Variants in PPM1H observed in about 807,000 individuals in gnomAD.
PPM1H encodes the protein protein phosphatase, Mg2+/Mn2+ dependent 1H.
PPM1H carries 27 observed loss-of-function variants against 54.9 expected under a neutral mutation model. That is an observed-to-expected ratio of 0.49 (90% CI 0.36 to 0.68). The LOEUF is 0.68. Ranked by LOEUF, PPM1H falls within the 30% of genes least tolerant of loss-of-function variation. PPM1H has a pLI of 0.00. For missense variants in PPM1H, 596 were observed against 667.8 expected (o/e 0.89, Z 1.19); for synonymous variants, 305 against 270.8 (o/e 1.13, Z -1.24).
intron 6 of PPM1H, among the ~76,000 whole-genome samples, chr12:62,701,349 G>A (rs539290278): frequency 4.7e-4 from 71 of 152,274 alleles, no homozygotes; most frequent in African/African-American, 1.5e-3. Flanking sequence ...AATTTGAGAT[G>A]CCCATGCAGC....
intron 1 of PPM1H, among the ~76,000 whole-genome samples, chr12:62,869,642 A>G (rs1355505597): frequency 6.6e-6 from 1 of 152,174 alleles, no homozygotes; most frequent in Non-Finnish European, 1.5e-5. Context: ...GAGCATGACA[A>G]CATCCCATCT....
rs149243143 is a variant in PPM1H at position 62,734,406 on chromosome 12, C to T, written c.954+3096G>A. On this transcript the variant is annotated intron_variant, in intron 5 of 9. Transcript: ENST00000228705. ...TAGTACTTTCTGTCACAAAACAGTA[C>T]GGCATGTATTAGTCCTTACACAGAC... is the stretch of plus-strand genomic sequence containing the variant. Among the ~76,000 whole-genome samples the T allele has an allele frequency of 3.3e-4, 51 of 152,290 alleles. No homozygotes were observed. In the East Asian group the frequency reaches 4.6e-3, roughly 14 times the overall value.
chr12:62,866,236 G>C (rs2120987045), intron 1 of PPM1H, among the ~76,000 whole-genome samples: 1 of 152,254 alleles, frequency 6.6e-6, no homozygotes, highest in East Asian at 1.9e-4. Flanking sequence ...CCACTGGGAG[G>C]TAAAGAGCCT....
chr12:62,756,054 A>T, intron 4 of PPM1H: 1 of 1,283,764 alleles, frequency 7.8e-7, no homozygotes. Flanking sequence ...CCTGGGCTAC[A>T]CTGAGCACCA....
intron 8 of PPM1H, among the ~76,000 whole-genome samples, chr12:62,680,719 C>A (rs2076014951): frequency 6.6e-6 from 1 of 152,182 alleles, no homozygotes; most frequent in Non-Finnish European, 1.5e-5. Flanking sequence ...AAGGAAGAGC[C>A]ACCCAGCTGA....
chr12:62,712,077 C>T (rs533009372), intron 6 of PPM1H, among the ~76,000 whole-genome samples: 47 of 152,342 alleles, frequency 3.1e-4, no homozygotes, highest in African/African-American at 1.1e-3. Flanking sequence ...AATAACCATT[C>T]ATCATCTCAG....
At chr12:62,776,690 T>C (rs1266921674) in intron 4 of PPM1H, among the ~76,000 whole-genome samples, 1 of 152,222 alleles carries the variant, frequency 6.6e-6, no homozygotes, top group East Asian at 1.9e-4. Context: ...CTAGCACCTG[T>C]GATCATCCCA....
intron 1 of PPM1H, among the ~76,000 whole-genome samples, chr12:62,916,926 T>TC (rs386376749): frequency 9.9e-5 from 2 of 20,154 alleles, no homozygotes; most frequent in African/African-American, 3.7e-4. Flanking sequence ...TACCCTCTAC[T>TC]TAAAAAAAAA....
At chr12:62,716,326 C>A (rs114481924) in intron 6 of PPM1H, among the ~76,000 whole-genome samples, 1 of 152,184 alleles carries the variant, frequency 6.6e-6, no homozygotes, top group Non-Finnish European at 1.5e-5. Flanking sequence ...TCAGTTTCCT[C>A]ATCTGTAAAA....
intron 1 of PPM1H, among the ~76,000 whole-genome samples, chr12:62,923,724 TG>T (rs1871878867): frequency 6.6e-6 from 1 of 152,114 alleles, no homozygotes; most frequent in Non-Finnish European, 1.5e-5. Context: ...AGTAAAATGC[TG>T]GGGGAGAAAA....
intron 1 of PPM1H, among the ~76,000 whole-genome samples, chr12:62,902,625 C>T (rs1018013367): frequency 3.9e-5 from 6 of 152,130 alleles, no homozygotes; most frequent in African/African-American, 1.4e-4. Context: ...TGGCTGAGGC[C>T]TTGGACAAGT....
chr12:62,783,114 G>A (rs2076651419), intron 4 of PPM1H, among the ~76,000 whole-genome samples: 1 of 152,200 alleles, frequency 6.6e-6, no homozygotes, highest in African/African-American at 2.4e-5. Context: ...TTGCAGGCAT[G>A]AGCCACTGCA....
chr12:62,867,810 T>C (rs866204611), intron 1 of PPM1H, among the ~76,000 whole-genome samples: 1 of 151,922 alleles, frequency 6.6e-6, no homozygotes. Context: ...GGTCTTGACT[T>C]ATGAGTACAT....
chr12:62,859,999 C>T (rs764864911), intron 1 of PPM1H, among the ~76,000 whole-genome samples: 1 of 152,136 alleles, frequency 6.6e-6, no homozygotes, highest in Non-Finnish European at 1.5e-5. Flanking sequence ...GAGGTGAAGA[C>T]GTGAGGATAA....
intron 4 of PPM1H, among the ~76,000 whole-genome samples, chr12:62,746,511 AGACAGCCACCCAG>A (rs1313881782): frequency 6.6e-6 from 1 of 152,212 alleles, no homozygotes; most frequent in Non-Finnish European, 1.5e-5. Flanking sequence ...TTCCAGGCCC[AGACAGCCACCCAG>A]GAGTATGGAG....
rs547751347 is a variant in PPM1H at position 62,849,132 on chromosome 12, A to G, written c.246-16853T>C. On this transcript the variant is annotated intron_variant, in intron 1 of 9. Coordinates refer to ENST00000228705, the MANE Select transcript of PPM1H (RefSeq NM_020700.2). The stretch of plus-strand genomic sequence containing the variant: ...ACAGGAAGCTTGTTTCCCAAGGCGG[A>G]AGTGGCTGCCATACAAAGGGGTACA... 3.9e-5 allele frequency among the ~76,000 whole-genome samples: 6 copies of G among 152,254 alleles called. No individual in the cohort carries two copies. In the East Asian group the frequency reaches 1.2e-3, roughly 29 times the overall value.
chr12:62,831,697 TTGTGTGTGTATGTGTG>T (rs1868359632), intron 2 of PPM1H, among the ~76,000 whole-genome samples: 1 of 149,580 alleles, frequency 6.7e-6, no homozygotes, highest in South Asian at 2.1e-4. Flanking sequence ...CCGTCAAACA[TTGTGTGTGTATGTGTG>T]TGTGTGTGTG....
chr12:62,707,129 A>C (rs2076179596), intron 6 of PPM1H, among the ~76,000 whole-genome samples: 1 of 152,218 alleles, frequency 6.6e-6, no homozygotes, highest in African/African-American at 2.4e-5. Context: ...ACTGAAGATG[A>C]GCAGGAATCA....
At chr12:62,676,267 T>A (rs1044402305) in intron 8 of PPM1H, among the ~76,000 whole-genome samples, 12 of 152,192 alleles carry the variant, frequency 7.9e-5, no homozygotes, top group African/African-American at 2.9e-4. Flanking sequence ...TAAAGCAAGT[T>A]CCTGCAGCAC....
Sources: allele counts gnomAD v4.1 joint callset (sites outside exome capture counted in the v4.1 genomes callset), GRCh38; gene constraint gnomAD v4.1.1; transcripts MANE v1.5; gene names NCBI Gene and HGNC (gene_info 2026-07-23, HGNC 2026-07-21).